TAMM41: variants seen among roughly 807,000 people sequenced by gnomAD.
TAMM41 encodes TAM41 mitochondrial translocator assembly and maintenance homolog.
Under a neutral mutation model 44.1 loss-of-function variants are expected in TAMM41, and 36 were observed. The ratio of observed to expected loss-of-function variants is 0.82; its 90% CI spans 0.63 to 1.08. The LOEUF is 1.08. Ranked by LOEUF, TAMM41 falls within the 50% of genes least tolerant of loss-of-function variation. The probability of loss-of-function intolerance (pLI) is 0.00; values close to 1 mark genes in which losing one functional copy is unlikely to be tolerated. For synonymous variants in TAMM41, 164 were observed against 153.1 expected (o/e 1.07, Z -0.53); for missense variants, 417 against 404.3 (o/e 1.03, Z -0.27).
At chr3:11,834,877 G>A (rs567349103) in intron 3 of TAMM41, among the ~76,000 whole-genome samples, 24 of 152,032 alleles carry the variant, frequency 1.6e-4, no homozygotes, top group African/African-American at 5.3e-4. Context: ...TAGTAGAGAC[G>A]GGGTTTCACC....
chr3:11,730,201 A>T, the TAMM41 span, among the ~76,000 whole-genome samples: 2 of 152,220 alleles, frequency 1.3e-5, no homozygotes, highest in African/African-American at 2.4e-5. Flanking sequence ...TGGGTGGATC[A>T]TCTGAGATCA....
intron 5 of TAMM41, among the ~76,000 whole-genome samples, chr3:11,814,953 G>A (rs1021820508): frequency 1.3e-5 from 2 of 152,014 alleles, no homozygotes; most frequent in Non-Finnish European, 2.9e-5. Context: ...AACTGAGCAA[G>A]GCCCTGTCAA....
At chr3:11,755,691 A>G in the TAMM41 span, among the ~76,000 whole-genome samples, 1 of 152,072 alleles carries the variant, frequency 6.6e-6, no homozygotes, top group Non-Finnish European at 1.5e-5. Context: ...CTGGCAATGT[A>G]TCCCTCCCTC....
At chr3:11,724,605 G>A in the TAMM41 span, among the ~76,000 whole-genome samples, 1 of 151,650 alleles carries the variant, frequency 6.6e-6, no homozygotes, top group African/African-American at 2.4e-5. Context: ...TAGTAGAGAC[G>A]GGGTTTCGCC....
chr3:11,836,291 C>T (rs2079172406), intron 3 of TAMM41, among the ~76,000 whole-genome samples: 1 of 151,956 alleles, frequency 6.6e-6, no homozygotes, highest in African/African-American at 2.4e-5. Context: ...GCACCCAGCC[C>T]TGCTTCCAAT....
intron 5 of TAMM41, among the ~76,000 whole-genome samples, chr3:11,812,086 C>G (rs1430270100): frequency 6.6e-6 from 1 of 151,970 alleles, no homozygotes; most frequent in Non-Finnish European, 1.5e-5. Flanking sequence ...CACCACCATG[C>G]CTGGCTAATT....
chr3:11,777,143 A>G, the TAMM41 span, among the ~76,000 whole-genome samples: 3 of 152,210 alleles, frequency 2.0e-5, no homozygotes, highest in African/African-American at 7.2e-5. Flanking sequence ...CACAGACAAA[A>G]ATGGTAACTA....
chr3:11,797,393 G>C (rs554893921), intron 7 of TAMM41, among the ~76,000 whole-genome samples: 22 of 152,284 alleles, frequency 1.4e-4, no homozygotes, highest in Non-Finnish European at 2.6e-4. Context: ...ACAAGCAATG[G>C]GGAAAGAACT....
the TAMM41 span, among the ~76,000 whole-genome samples, chr3:11,766,244 A>G: frequency 6.6e-6 from 1 of 151,932 alleles, no homozygotes; most frequent in African/African-American, 2.4e-5. Flanking sequence ...GGCTCACTAC[A>G]GCCTCAACCT....
chr3:11,799,083 GGTGT>G (rs1361624121), intron 7 of TAMM41, among the ~76,000 whole-genome samples: 4 of 152,038 alleles, frequency 2.6e-5, no homozygotes, highest in African/African-American at 9.7e-5. Flanking sequence ...AAAACAGCCA[GGTGT>G]GGTATTGCAT....
chr3:11,838,754 C>T (rs997808732), intron 3 of TAMM41, among the ~76,000 whole-genome samples: 5 of 152,000 alleles, frequency 3.3e-5, no homozygotes, highest in African/African-American at 1.2e-4. Context: ...AATCATTGGC[C>T]GTTGGTGATT....
At chr3:11,726,122 G>C in the TAMM41 span, among the ~76,000 whole-genome samples, 12 of 152,330 alleles carry the variant, frequency 7.9e-5, no homozygotes, top group South Asian at 2.1e-4. Context: ...GACATCTACT[G>C]TTCCCCTCAT....
chr3:11,794,103 A>G (rs908346286), intron 7 of TAMM41, among the ~76,000 whole-genome samples: 2 of 151,944 alleles, frequency 1.3e-5, no homozygotes, highest in African/African-American at 4.8e-5. Flanking sequence ...CAGAGTCCAC[A>G]ATCCATAGAC....
the TAMM41 span, among the ~76,000 whole-genome samples, chr3:11,729,530 CTTTCTTTCATTTT>C: frequency 1.5e-4 from 8 of 52,822 alleles, no homozygotes; most frequent in African/African-American, 4.7e-4. Context: ...TCTTTCTTTT[CTTTCTTTCATTTT>C]TTTTTTTTTT....
At chr3:11,843,906 TA>T in intron 2 of TAMM41, 122 bp downstream of exon 2, 1 of 986,114 alleles carries the variant, frequency 1.0e-6, no homozygotes, top group Non-Finnish European at 1.5e-6. Flanking sequence ...ATTTCCCGAC[TA>T]TAACAACGTC....
chr3:11,837,851 G>A (rs1398122042), intron 3 of TAMM41, among the ~76,000 whole-genome samples: 4 of 152,152 alleles, frequency 2.6e-5, no homozygotes, highest in South Asian at 2.1e-4. Context: ...CTTGGAGCCC[G>A]ATCCAGTCAT....
chr3:11,777,880 A>G, the TAMM41 span, among the ~76,000 whole-genome samples: 1 of 152,152 alleles, frequency 6.6e-6, no homozygotes, highest in East Asian at 1.9e-4. Flanking sequence ...CATTAACCTA[A>G]AAAGAAAACT....
At chr3:11,750,409 A>C in the TAMM41 span, among the ~76,000 whole-genome samples, 1 of 151,090 alleles carries the variant, frequency 6.6e-6, no homozygotes, top group African/African-American at 2.4e-5. Context: ...CCTGGGCTTA[A>C]GGGATCCTCC....
chr3:11,738,600 T>A, the TAMM41 span, among the ~76,000 whole-genome samples: 1 of 151,722 alleles, frequency 6.6e-6, no homozygotes, highest in East Asian at 1.9e-4. Flanking sequence ...TCAGAGGGAG[T>A]TGCTGTATCC....
Sources: allele counts gnomAD v4.1 joint callset (sites outside exome capture counted in the v4.1 genomes callset), GRCh38; gene constraint gnomAD v4.1.1; transcripts MANE v1.5; gene names NCBI Gene and HGNC (gene_info 2026-07-23, HGNC 2026-07-21).